Variants in EOGT observed in about 807,000 individuals in gnomAD.
EOGT encodes the protein EGF domain specific O-linked N-acetylglucosamine transferase.
Under a neutral mutation model 70.5 loss-of-function variants are expected in EOGT, and 55 were observed. The observed-to-expected ratio is 0.78, with a 90% CI of 0.63 to 0.98. The LOEUF (loss-of-function observed/expected upper bound fraction) is 0.98. Among genes scored for constraint, EOGT ranks in the 50% least tolerant of loss-of-function variants. The pLI is 0.00. For missense variants in EOGT, 703 were observed against 641.9 expected (o/e 1.10, Z -1.03); for synonymous variants, 246 against 217.1 (o/e 1.13, Z -1.17).
chr3:69,010,429 T>C (rs2091548989), intron 3 of EOGT, among the ~76,000 whole-genome samples: 1 of 152,206 alleles, frequency 6.6e-6, no homozygotes, highest in Non-Finnish European at 1.5e-5. Flanking sequence ...TAAAGTAATA[T>C]GATAGACAAC....
chr3:68,982,807 T>G lies in EOGT; in HGVS notation c.1214+4A>C, dbSNP rs2090687829. On this transcript the variant is annotated splice_donor_region_variant and intron_variant, in intron 15 of 17. Coordinates refer to ENST00000383701, the MANE Select transcript of EOGT (RefSeq NM_001278689.2). ...AGTGTCTGCTGAGATTGGCTATTAC[T>G]TACCTATACTTGTAATCAACAATCT... is the stretch of plus-strand genomic sequence containing the variant. The G allele has an allele frequency of 1.2e-6, 2 of 1,600,820 alleles. No homozygotes were observed. Among genetic ancestry groups the G allele is most frequent in the Non-Finnish European group, 8.5e-7 (1 of 1,173,056 alleles).
At chr3:68,980,434 C>T (rs904666929) in intron 15 of EOGT, among the ~76,000 whole-genome samples, 4 of 152,120 alleles carry the variant, frequency 2.6e-5, no homozygotes, top group African/African-American at 9.7e-5. Context: ...TCTCTAAATC[C>T]AAGACACTAA....
chr3:69,004,499 C>G lies in EOGT; in HGVS notation c.516-17G>C, dbSNP rs1201622273. 3.2e-6 allele frequency: 5 copies of G among 1,577,686 alleles called. 1 individual carries two copies. In the African/African-American group the frequency reaches 6.8e-5, roughly 21 times the overall value. On this transcript the variant is annotated splice_polypyrimidine_tract_variant and intron_variant, in intron 7 of 17. Coordinates refer to ENST00000383701, the MANE Select transcript of EOGT (RefSeq NM_001278689.2). ...TCCTTAAATCTGGTATATAACAAAACATTAAGTTAAGTTCAGAAAACGTCT... is the reference window on the plus strand; with the variant it reads ...TCCTTAAATCTGGTATATAACAAAAGATTAAGTTAAGTTCAGAAAACGTCT...
intron 17 of EOGT, 112 bp from the exon 18 acceptor site, chr3:68,977,876 G>A (rs1342928786): frequency 1.8e-6 from 2 of 1,122,026 alleles, no homozygotes; most frequent in African/African-American, 3.2e-5. Flanking sequence ...TTCTACATCA[G>A]AGACCAGCAA....
chr3:69,001,077 C>T (rs1405655025), intron 9 of EOGT, among the ~76,000 whole-genome samples: 4 of 151,988 alleles, frequency 2.6e-5, no homozygotes, highest in African/African-American at 9.7e-5. Flanking sequence ...CCGCTTCAAC[C>T]TCCCGAGTAG....
At chr3:68,997,400 G>A (rs966187625) in intron 10 of EOGT, among the ~76,000 whole-genome samples, 39 of 146,020 alleles carry the variant, frequency 2.7e-4, no homozygotes, top group Middle Eastern at 3.7e-3. Context: ...ACAGAGTCTT[G>A]CTCTGTCACC....
intron 14 of EOGT, among the ~76,000 whole-genome samples, 193 bp downstream of exon 14, chr3:68,987,252 A>ATT: frequency 6.6e-6 from 1 of 152,364 alleles, no homozygotes; most frequent in South Asian, 2.1e-4. Context: ...AGGCAAAGCT[A>ATT]GTTTGTCTAT....
rs1476589614 is a variant in EOGT, at chr3:68,988,369, G to C, written c.1009C>G (p.Gln337Glu). 9 of 1,535,450 alleles carry C rather than the reference G, an allele frequency of 5.9e-6. No individual in the cohort carries two copies. The South Asian group carries it at 1.1e-4, about 18-fold the overall frequency. ...FYNTPLISGCQNTGLFRAFAQ... is the reference protein window; with the variant it reads ...FYNTPLISGCENTGLFRAFAQ... ...AATGCCCTGAATAGTCCAGTATTTTGACAGCCAGATATCTAAAATAAAAAC... is the reference window on the plus strand; with the variant it reads ...AATGCCCTGAATAGTCCAGTATTTTCACAGCCAGATATCTAAAATAAAAAC... Residue 337 changes from glutamine (Q) to glutamate (E), a missense_variant, in exon 13 of 18, where the codon CAA becomes GAA. Coordinates refer to ENST00000383701, the MANE Select transcript of EOGT (RefSeq NM_001278689.2).
At chr3:69,010,809 GTCTGC>G (rs1469771254) in intron 3 of EOGT, among the ~76,000 whole-genome samples, 1 of 152,182 alleles carries the variant, frequency 6.6e-6, no homozygotes, top group Admixed American at 6.5e-5. Flanking sequence ...GCAAGTGTGT[GTCTGC>G]TGAATAAAAA....
At chr3:68,980,673 G>A (rs1369537844) in intron 15 of EOGT, among the ~76,000 whole-genome samples, 1 of 152,202 alleles carries the variant, frequency 6.6e-6, no homozygotes, top group Non-Finnish European at 1.5e-5. Context: ...CTCCGCATAG[G>A]AAAAAGATGA....
chr3:68,995,744 G>A (rs907424782), intron 10 of EOGT, among the ~76,000 whole-genome samples: 16 of 152,340 alleles, frequency 1.1e-4, no homozygotes, highest in Middle Eastern at 6.8e-3. Context: ...AACTTAGGTA[G>A]AGTCCTCTTC....
chr3:68,985,484 A>T (rs748491689), intron 14 of EOGT, among the ~76,000 whole-genome samples: 2 of 152,164 alleles, frequency 1.3e-5, no homozygotes, highest in Admixed American at 6.5e-5. Flanking sequence ...CTCTTACTGA[A>T]TATTTTCCAG....
chr3:68,984,477 T>TC (rs2090746513), intron 14 of EOGT, among the ~76,000 whole-genome samples: 1 of 152,134 alleles, frequency 6.6e-6, no homozygotes, highest in Non-Finnish European at 1.5e-5. Context: ...CCCTATCCCT[T>TC]CCGATGGCTA....
intron 8 of EOGT, 143 bp downstream of exon 8, chr3:69,004,235 C>A: frequency 1.6e-6 from 1 of 624,382 alleles, no homozygotes. Flanking sequence ...GGGATTCACT[C>A]GGTTTCCGTC....
chr3:68,981,959 T>G (rs2090657155), intron 15 of EOGT, among the ~76,000 whole-genome samples: 1 of 151,552 alleles, frequency 6.6e-6, no homozygotes, highest in African/African-American at 2.4e-5. Flanking sequence ...CAGGCCGGAG[T>G]GCAATGGTGC....
In EOGT at chr3:68,976,145, T is replaced by C. The variant is rs2090467541; in HGVS notation, c.*1473A>G. On this transcript the variant is annotated 3_prime_UTR_variant, in exon 18 of 18. Coordinates refer to ENST00000383701, the MANE Select transcript of EOGT (RefSeq NM_001278689.2). ...AGATATTCTTTTTAATCAATGACAC[T>C]GTTTTAGAGCTTCTTTTTCACTTTC... 1.3e-5 allele frequency: 2 copies of C among 152,206 alleles called. No homozygotes were observed. Among genetic ancestry groups the C allele is most frequent in the Non-Finnish European group, 2.9e-5 (2 of 68,032 alleles). 9.4% of individuals were successfully genotyped at this position (152,206 alleles called of 1,614,324 possible). A position where few individuals can be genotyped will look rare whatever the true frequency, so the allele number is the denominator to read the frequency against.
At chr3:69,012,197 C>G (rs993706782) in intron 2 of EOGT, among the ~76,000 whole-genome samples, 1 of 152,208 alleles carries the variant, frequency 6.6e-6, no homozygotes, top group Non-Finnish European at 1.5e-5. Context: ...ACCCCCAACA[C>G]AGCAACTCGG....
At position 68,982,534 on chromosome 3, in the gene EOGT, A is replaced by G. The variant is rs112398489; in HGVS notation, c.1214+277T>C. Among the ~76,000 whole-genome samples the G allele has an allele frequency of 0.011, 1,735 of 152,210 alleles. 30 individuals are homozygous for G. Among genetic ancestry groups the G allele is most frequent in the East Asian group, 0.043 (224 of 5,164 alleles). ...GATTCTGTCTCAAAAACAAACAAACAAACAAACAAAAAATTCTGAAATTTT... is the reference window on the plus strand; with the variant it reads ...GATTCTGTCTCAAAAACAAACAAACGAACAAACAAAAAATTCTGAAATTTT... On this transcript the variant is annotated intron_variant, in intron 15 of 17. Coordinates refer to ENST00000383701, the MANE Select transcript of EOGT (RefSeq NM_001278689.2).
chr3:68,997,908 G>A (rs1156450583), intron 10 of EOGT, 103 bp downstream of exon 10: 2 of 703,456 alleles, frequency 2.8e-6, no homozygotes, highest in Non-Finnish European at 4.9e-6. Flanking sequence ...GGCTGTACAT[G>A]TTGAAATATA....
Sources: allele counts gnomAD v4.1 joint callset (sites outside exome capture counted in the v4.1 genomes callset), GRCh38; gene constraint gnomAD v4.1.1; transcripts MANE v1.5; gene names NCBI Gene and HGNC (gene_info 2026-07-23, HGNC 2026-07-21).